AIFM3: variants seen among roughly 807,000 people sequenced by gnomAD.
The protein encoded by AIFM3 is AIF family member 3.
Under a neutral mutation model 82.7 loss-of-function variants are expected in AIFM3, and 71 were observed. The observed-to-expected ratio is 0.86, with a 90% CI of 0.71 to 1.05. AIFM3 has a LOEUF of 1.05. Among genes scored for constraint, AIFM3 ranks in the 50% least tolerant of loss-of-function variants. The pLI is 0.00. For missense variants in AIFM3, 748 were observed against 816.7 expected (o/e 0.92, Z 1.03); for synonymous variants, 337 against 329.1 (o/e 1.02, Z -0.26).
At position 20,967,826 on chromosome 22, in the gene AIFM3, G is replaced by A; in HGVS notation, c.-119G>A. ...GCAGGTCCTAGAGCAGCTCCAGCAG[G>A]ATGGCGGCTCCAGCGTCTCTAAGGC... On this transcript the variant is annotated 5_prime_UTR_variant, in exon 2 of 21. Transcript: ENST00000440238. 9.1e-7 allele frequency: 1 copy of A among 1,101,858 alleles called. No homozygotes were observed. The highest frequency in any genetic ancestry group is 1.3e-5 in the South Asian group (1 of 79,366). 68.3% of individuals were successfully genotyped at this position (1,101,858 alleles called of 1,614,324 possible). A position where few individuals can be genotyped will look rare whatever the true frequency, so the allele number is the denominator to read the frequency against.
At chr22:20,979,467 C>T (rs1180872271) in intron 17 of AIFM3, 98 bp downstream of exon 17, 1 of 1,474,092 alleles carries the variant, frequency 6.8e-7, no homozygotes, top group South Asian at 1.2e-5. Flanking sequence ...GGGCTATGAC[C>T]GCACTAGGAA....
chr22:20,973,634 T>C (rs1249553783), intron 3 of AIFM3, 114 bp downstream of exon 3: 15 of 1,398,090 alleles, frequency 1.1e-5, no homozygotes, highest in Non-Finnish European at 1.4e-5. Context: ...GCTGCTGCCC[T>C]GGTCACTGCC....
rs1056842119 is a variant in AIFM3, at chr22:20,976,080, C to T, written c.808-135C>T. The T allele has an allele frequency of 2.3e-5, 22 of 973,746 alleles. No individual in the cohort carries two copies. In the South Asian group the frequency reaches 2.4e-4, roughly 11 times the overall value. The allele number at this position is 973,746 out of a possible 1,614,324, so 60.3% of individuals were successfully genotyped here. ...TGTCTGAAGCGTAAAGAATGAAGCC[C>T]AGGTGGCAGGATCTGTTTTAATGGG... is the stretch of plus-strand genomic sequence containing the variant. On this transcript the variant is annotated intron_variant, in intron 9 of 20. Coordinates refer to ENST00000440238, the MANE Select transcript of AIFM3 (RefSeq NM_001386814.1).
rs1224794700 is a variant in AIFM3, at chr22:20,978,000, C to A, written c.1472C>A (p.Ala491Asp). The A allele has an allele frequency of 2.5e-6, 4 of 1,614,118 alleles. No homozygotes were observed. In the South Asian group the frequency reaches 4.4e-5, roughly 18 times the overall value. The change falls in exon 16 of 21, where the codon GCT becomes GAT. Residue 491 changes from alanine (A) to aspartate (D), a missense_variant. Coordinates refer to ENST00000440238, the MANE Select transcript of AIFM3 (RefSeq NM_001386814.1). ...VNIPHWQMAH[A>D]QGRVAAQNML... ...ATTCCACATTGGCAGATGGCTCATG[C>A]TCAGGGTATGGCCAGTCCCGAGGCA...
Position 20,977,766 on chromosome 22 carries a change from C to T in AIFM3, c.1349C>T (p.Pro450Leu), listed in dbSNP as rs1923789789. ...GGTTTGGATTCCCGAGGCTTCATCC[C>T]TGTCAACAAGGTGGGGTGGATGGCA... ...GIGLDSRGFI[P>L]VNKMMQTNVP... The change falls in exon 15 of 21, where the codon CCT becomes CTT. Residue 450 changes from proline to leucine, a missense_variant. This residue lies in a region of AIFM3 where 393 missense variants were observed against 481.1 expected (regional missense o/e 0.82). Transcript: ENST00000440238. 6.2e-7 allele frequency: 1 copy of T among 1,614,066 alleles called. No homozygotes were observed. Among genetic ancestry groups the T allele is most frequent in the Non-Finnish European group, 8.5e-7 (1 of 1,180,048 alleles).
In AIFM3 at chr22:20,974,825, G is replaced by T. The variant is rs1269896321; in HGVS notation, c.720+9G>T. On this transcript the variant is annotated intron_variant, in intron 8 of 20. Coordinates refer to ENST00000440238, the MANE Select transcript of AIFM3 (RefSeq NM_001386814.1). ...GTCCCAAGCTCAGCAAGGTACAGGG[G>T]GTGGGGCAAGTAGGGACCCTATCCC... is the stretch of plus-strand genomic sequence containing the variant. 5 of 1,611,144 alleles carry T rather than the reference G, an allele frequency of 3.1e-6. No individual in the cohort carries two copies. Among genetic ancestry groups the T allele is most frequent in the Non-Finnish European group, 4.2e-6 (5 of 1,179,358 alleles).
chr22:20,979,912 C>T (rs979741989), intron 18 of AIFM3, 108 bp from the exon 19 acceptor site: 29 of 1,196,514 alleles, frequency 2.4e-5, no homozygotes, highest in Non-Finnish European at 3.3e-5. Context: ...TTCTTGTTGC[C>T]CTGGGGTAGG....
In AIFM3 at chr22:20,973,621, C is replaced by T. The variant is rs1287593435; in HGVS notation, c.245+101C>T. ...CGGGGTTGGCCTGAAGGGGCTATGA[C>T]CAGCTGCTGCCCTGGTCACTGCCTT... On this transcript the variant is annotated intron_variant, in intron 3 of 20. Transcript: ENST00000440238. The T allele has an allele frequency of 1.8e-5, 26 of 1,410,888 alleles. 1 individual carries two copies. The highest frequency in any genetic ancestry group is 2.3e-5 in the Non-Finnish European group (24 of 1,040,048). 87.4% of individuals were successfully genotyped at this position (1,410,888 alleles called of 1,614,324 possible). A position where few individuals can be genotyped will look rare whatever the true frequency, so the allele number is the denominator to read the frequency against.
rs1464905341 is a variant in AIFM3 at position 20,972,426 on chromosome 22, T to C, written c.32-881T>C. 2.7e-5 allele frequency among the ~76,000 whole-genome samples: 4 copies of C among 150,404 alleles called. No individual in the cohort carries two copies. In the East Asian group the frequency reaches 7.8e-4, roughly 29 times the overall value. ...TCAAAAAAAAAAAAAAAAGAAGAAG[T>C]TGAAATTATGCTGTGAATTATGCTG... On this transcript the variant is annotated intron_variant, in intron 2 of 20. Coordinates refer to ENST00000440238, the MANE Select transcript of AIFM3 (RefSeq NM_001386814.1).
Position 20,979,668 on chromosome 22 carries a change from C to A in AIFM3, c.1618C>A (p.Leu540Met). 8.7e-6 allele frequency: 14 copies of A among 1,614,220 alleles called. No individual in the cohort carries two copies. The highest frequency in any genetic ancestry group is 1.2e-5 in the Non-Finnish European group (14 of 1,180,034). The change falls in exon 18 of 21, where the codon CTG becomes ATG. Residue 540 changes from leucine to methionine, a missense_variant. Transcript: ENST00000440238. ...GFDDVIIQGDLEELKFVAFYT... is the reference protein window; with the variant it reads ...GFDDVIIQGDMEELKFVAFYT... Reference sequence around the variant, plus strand: ...CGACGACGTCATCATCCAGGGGGATCTGGAGGAGCTGAAGTTTGTGGCTTT... The same window carrying A: ...CGACGACGTCATCATCCAGGGGGATATGGAGGAGCTGAAGTTTGTGGCTTT...
In AIFM3 at chr22:20,979,668, C is replaced by T. The variant is rs569308331; in HGVS notation, c.1618C>T (p.Leu540=). The change falls in exon 18 of 21, where the codon CTG becomes TTG. Residue 540 remains leucine, a synonymous_variant. Transcript: ENST00000440238. ...GFDDVIIQGD[L]EELKFVAFYT... ...CGACGACGTCATCATCCAGGGGGAT[C>T]TGGAGGAGCTGAAGTTTGTGGCTTT... is the stretch of plus-strand genomic sequence containing the variant. 1 of 1,614,220 alleles carries T rather than the reference C, an allele frequency of 6.2e-7. No individual in the cohort carries two copies. Among genetic ancestry groups the T allele is most frequent in the South Asian group, 1.1e-5 (1 of 91,090 alleles).
intron 2 of AIFM3, among the ~76,000 whole-genome samples, chr22:20,968,827 C>A (rs1002478795): frequency 6.6e-6 from 1 of 152,148 alleles, no homozygotes; most frequent in African/African-American, 2.4e-5. Flanking sequence ...CCAGCTCACC[C>A]CAGCCAGCTC....
intron 2 of AIFM3, among the ~76,000 whole-genome samples, chr22:20,971,525 G>A (rs920011480): frequency 6.6e-6 from 1 of 152,228 alleles, no homozygotes; most frequent in African/African-American, 2.4e-5. Flanking sequence ...AGCCTTGTCT[G>A]GGTAGATAGG....
chr22:20,975,679 C>T lies in AIFM3; in HGVS notation c.721-13C>T. Reference sequence around the variant, plus strand: ...TGTAAACTGGCTCCTCTCAAGCTGGCTCTCCCCTGCAGTCCCTGGACACAC... The same window carrying T: ...TGTAAACTGGCTCCTCTCAAGCTGGTTCTCCCCTGCAGTCCCTGGACACAC... On this transcript the variant is annotated splice_polypyrimidine_tract_variant and intron_variant, in intron 8 of 20. Coordinates refer to ENST00000440238, the MANE Select transcript of AIFM3 (RefSeq NM_001386814.1). The T allele has an allele frequency of 6.2e-7, 1 of 1,613,458 alleles. No individual in the cohort carries two copies. Among genetic ancestry groups the T allele is most frequent in the Non-Finnish European group, 8.5e-7 (1 of 1,179,882 alleles).
Position 20,975,925 on chromosome 22 carries a change from C to T in AIFM3, c.807+147C>T. ...GAGGTGCTCCAGGCTTGGGAGACAG[C>T]AAGGAGCTTTTTCCTGATGGGTCAT... On this transcript the variant is annotated intron_variant, in intron 9 of 20. Coordinates refer to ENST00000440238, the MANE Select transcript of AIFM3 (RefSeq NM_001386814.1). 3.3e-6 allele frequency: 3 copies of T among 909,380 alleles called. No homozygotes were observed. The South Asian group carries it at 4.7e-5, about 14-fold the overall frequency. 56.3% of individuals were successfully genotyped at this position (909,380 alleles called of 1,614,324 possible).
In AIFM3 at chr22:20,975,889, C is replaced by T. The variant is rs1352315770; in HGVS notation, c.807+111C>T. 6 of 1,265,382 alleles carry T rather than the reference C, an allele frequency of 4.7e-6. No homozygotes were observed. In the East Asian group the frequency reaches 7.3e-5, roughly 15 times the overall value. The allele number at this position is 1,265,382 out of a possible 1,614,324, so 78.4% of individuals were successfully genotyped here. A position where few individuals can be genotyped will look rare whatever the true frequency, so the allele number is the denominator to read the frequency against. On this transcript the variant is annotated intron_variant, in intron 9 of 20. Transcript: ENST00000440238. ...GCTCTACCTTCCTGGCCCCACAGCC[C>T]AGGCACCTGGGAGGTGCTCCAGGCT...
rs1165368641 is a variant in AIFM3, at chr22:20,976,307, G to A, written c.899+1G>A. 2 of 1,613,964 alleles carry A rather than the reference G, an allele frequency of 1.2e-6. No homozygotes were observed. The highest frequency in any genetic ancestry group is 1.7e-5 in the Admixed American group (1 of 60,020). ...AGCTGCTGCTGGCACCAGGGAGCAGGTGGGAGGGTCTCCTTTTTACCCATC... is the reference window on the plus strand; with the variant it reads ...AGCTGCTGCTGGCACCAGGGAGCAGATGGGAGGGTCTCCTTTTTACCCATC... On this transcript the variant is annotated splice_donor_variant, in intron 10 of 20. Coordinates refer to ENST00000440238, the MANE Select transcript of AIFM3 (RefSeq NM_001386814.1). LOFTEE classifies it high-confidence loss of function.
intron 18 of AIFM3, 102 bp from the exon 19 acceptor site, chr22:20,979,918 G>T: frequency 8.2e-7 from 1 of 1,214,952 alleles, no homozygotes; most frequent in Admixed American, 2.2e-5. Context: ...TTGCCCTGGG[G>T]TAGGTCCTTC....
chr22:20,979,368 G>C lies in AIFM3; in HGVS notation c.1575G>C (p.Ala525=). Reference sequence around the variant, plus strand: ...TGTTTGGCAAGAGCCTGCGCTACGCGGGTAACCCCGGGGCCTCGGATGGGG... The same window carrying C: ...TGTTTGGCAAGAGCCTGCGCTACGCCGGTAACCCCGGGGCCTCGGATGGGG... The part of the protein sequence containing the change: ...TAMFGKSLRY[A]GYGEGFDDVI... The change falls in exon 17 of 21, where the codon GCG becomes GCC. Residue 525 remains alanine, a splice_region_variant and synonymous_variant. Transcript: ENST00000440238. 6.4e-7 allele frequency: 1 copy of C among 1,551,984 alleles called. No individual in the cohort carries two copies. Among genetic ancestry groups the C allele is most frequent in the African/African-American group, 1.4e-5 (1 of 73,094 alleles).
Sources: gnomAD v4.1 joint callset for allele counts (sites outside exome capture counted in the v4.1 genomes callset) on GRCh38, gnomAD v4.1.1 for gene constraint, gnomAD v4.1.1 regional missense constraint, MANE v1.5 for transcripts, NCBI Gene and HGNC (gene_info 2026-07-23, HGNC 2026-07-21) for gene names.